The following SGCZ variants were observed in gnomAD, a reference collection of about 807,000 sequenced individuals.
SGCZ encodes the protein sarcoglycan zeta.
SGCZ carries 40 observed loss-of-function variants against 41.3 expected under a neutral mutation model. That is an observed-to-expected ratio of 0.97 (90% CI 0.75 to 1.26). SGCZ has a LOEUF of 1.26. SGCZ is among the 50% of genes most tolerant of loss of function. The probability of loss-of-function intolerance (pLI) is 0.00; values close to 1 mark genes in which losing one functional copy is unlikely to be tolerated. For missense variants in SGCZ, 552 were observed against 369.8 expected, an observed-to-expected ratio of 1.49 and a Z score of -4.04; for synonymous variants, 206 against 137.5, an observed-to-expected ratio of 1.50 and a Z score of -3.49.
intron 1 of SGCZ, among the ~76,000 whole-genome samples, chr8:15,141,452 C>G (rs779020297): frequency 6.6e-6 from 1 of 152,224 alleles, no homozygotes; most frequent in Non-Finnish European, 1.5e-5. Flanking sequence ...AAAAAGATGT[C>G]CACATCAGTG....
intron 2 of SGCZ, among the ~76,000 whole-genome samples, chr8:14,375,083 A>G (rs929539224): frequency 2.0e-5 from 3 of 151,948 alleles, no homozygotes; most frequent in Non-Finnish European, 4.4e-5. Context: ...TTGAGAGGCC[A>G]GAAAAGGGGG....
intron 2 of SGCZ, among the ~76,000 whole-genome samples, chr8:14,352,027 CTTAT>C (rs1288709895): frequency 6.6e-6 from 1 of 152,008 alleles, no homozygotes; most frequent in Non-Finnish European, 1.5e-5. Context: ...AGCACGGTAC[CTTAT>C]TTATAGTAGA....
At chr8:14,465,002 G>A (rs1801009402) in intron 2 of SGCZ, among the ~76,000 whole-genome samples, 1 of 151,500 alleles carries the variant, frequency 6.6e-6, no homozygotes, top group African/African-American at 2.4e-5. Context: ...GCAAACATAT[G>A]GTCTATCCTT....
chr8:15,109,945 C>T lies in SGCZ; in HGVS notation c.39+127640G>A, dbSNP rs1159437056. 5.3e-5 allele frequency among the ~76,000 whole-genome samples: 8 copies of T among 152,228 alleles called. No homozygotes were observed. The East Asian group carries it at 1.3e-3, about 26-fold the overall frequency. ...TACATATATACAAATATACATTAAACTTTTAATGTTACAGTCACTAAATCA... is the reference window on the plus strand; with the variant it reads ...TACATATATACAAATATACATTAAATTTTTAATGTTACAGTCACTAAATCA... On this transcript the variant is annotated intron_variant, in intron 1 of 7. Coordinates refer to ENST00000382080, the MANE Select transcript of SGCZ (RefSeq NM_139167.4).
intron 1 of SGCZ, among the ~76,000 whole-genome samples, chr8:14,628,482 A>T (rs1806536852): frequency 6.6e-6 from 1 of 152,046 alleles, no homozygotes; most frequent in Non-Finnish European, 1.5e-5. Flanking sequence ...AAAAATTTGC[A>T]AAAGTAATCA....
chr8:14,750,358 A>G (rs1157640699), intron 1 of SGCZ, among the ~76,000 whole-genome samples: 1 of 152,172 alleles, frequency 6.6e-6, no homozygotes, highest in Admixed American at 6.5e-5. Context: ...AATATACAAA[A>G]TAAATCATTT....
intron 5 of SGCZ, among the ~76,000 whole-genome samples, chr8:14,163,244 T>A (rs535613582): frequency 6.6e-6 from 1 of 152,282 alleles, no homozygotes; most frequent in East Asian, 1.9e-4. Context: ...GGGGGTTTAT[T>A]GTACAGATTA....
chr8:15,228,697 G>T (rs940822712), intron 1 of SGCZ, among the ~76,000 whole-genome samples: 2 of 152,136 alleles, frequency 1.3e-5, no homozygotes, highest in African/African-American at 4.8e-5. Flanking sequence ...AATCATTTAA[G>T]ACAGAATGCC....
chr8:14,918,216 C>A (rs758215253), intron 1 of SGCZ, among the ~76,000 whole-genome samples: 1 of 151,992 alleles, frequency 6.6e-6, no homozygotes, highest in Non-Finnish European at 1.5e-5. Flanking sequence ...GCAATGAGAC[C>A]GGCTGAATTT....
At position 14,765,639 on chromosome 8, in the gene SGCZ, T is replaced by A. The variant is rs138616868; in HGVS notation, c.40-210713A>T. The stretch of plus-strand genomic sequence containing the variant: ...TGGTGTGCAACAATAAAGATACACA[T>A]AAAACTATTAAGCAAGAAACATAAA... On this transcript the variant is annotated intron_variant, in intron 1 of 7. Coordinates refer to ENST00000382080, the MANE Select transcript of SGCZ (RefSeq NM_139167.4). Among the ~76,000 whole-genome samples, 44 of 152,212 alleles carry A rather than the reference T, an allele frequency of 2.9e-4. 1 individual carries two copies. The highest frequency in any genetic ancestry group is 1.2e-3 in the South Asian group (6 of 4,822).
intron 1 of SGCZ, among the ~76,000 whole-genome samples, chr8:15,052,497 G>A (rs1291071133): frequency 6.6e-6 from 1 of 152,106 alleles, no homozygotes; most frequent in Non-Finnish European, 1.5e-5. Context: ...ATCTGACAGT[G>A]TCGCAGTCAG....
chr8:14,173,102 A>C (rs966818860), intron 4 of SGCZ, among the ~76,000 whole-genome samples: 3 of 152,154 alleles, frequency 2.0e-5, no homozygotes, highest in Admixed American at 2.0e-4. Context: ...TTCAGTCTAG[A>C]AAGTCTAAAA....
At chr8:14,498,873 G>A (rs1802067662) in intron 2 of SGCZ, among the ~76,000 whole-genome samples, 2 of 150,178 alleles carry the variant, frequency 1.3e-5, no homozygotes, top group South Asian at 2.1e-4. Context: ...CCTTTTGAAT[G>A]TCTTAGTTTC....
At chr8:14,827,859 C>G (rs1352400204) in intron 1 of SGCZ, among the ~76,000 whole-genome samples, 1 of 152,150 alleles carries the variant, frequency 6.6e-6, no homozygotes, top group Non-Finnish European at 1.5e-5. Context: ...CACACACACA[C>G]ACAGACACAC....
chr8:14,767,065 T>A (rs186501165), intron 1 of SGCZ, among the ~76,000 whole-genome samples: 1 of 68,490 alleles, frequency 1.5e-5, no homozygotes. Context: ...TCATCTGGTG[T>A]TTTATTTTTA....
chr8:14,543,437 G>C (rs1311811210), intron 2 of SGCZ, among the ~76,000 whole-genome samples: 1 of 151,864 alleles, frequency 6.6e-6, no homozygotes, highest in Non-Finnish European at 1.5e-5. Context: ...TACATGATTG[G>C]GTAAAAATGA....
intron 3 of SGCZ, among the ~76,000 whole-genome samples, chr8:14,282,846 A>ATT (rs1563232512): frequency 1.6e-5 from 1 of 62,982 alleles, no homozygotes; most frequent in Non-Finnish European, 3.1e-5. Flanking sequence ...TCTTTCAAAT[A>ATT]CTTTTTTTTT....
intron 2 of SGCZ, among the ~76,000 whole-genome samples, chr8:14,541,091 C>T (rs567064837): frequency 1.3e-5 from 2 of 151,436 alleles, no homozygotes; most frequent in East Asian, 2.0e-4. Context: ...ACAACACATA[C>T]ACACACATAT....
chr8:14,448,868 C>T (rs895115928), intron 2 of SGCZ, among the ~76,000 whole-genome samples: 6 of 152,266 alleles, frequency 3.9e-5, no homozygotes, highest in Non-Finnish European at 5.9e-5. Flanking sequence ...CATAGCTGGG[C>T]GCTGTACTTG....
Sources: allele counts gnomAD v4.1 joint callset (sites outside exome capture counted in the v4.1 genomes callset), GRCh38; gene constraint gnomAD v4.1.1; transcripts MANE v1.5; gene names NCBI Gene and HGNC (gene_info 2026-07-23, HGNC 2026-07-21).